MDN1: variants seen among roughly 807,000 people sequenced by gnomAD.
MDN1 encodes midasin.
Under a neutral mutation model 669.2 loss-of-function variants are expected in MDN1, and 266 were observed. The observed-to-expected ratio is 0.40, with a 90% CI of 0.36 to 0.44. MDN1 has a LOEUF of 0.44. MDN1 is among the 20% of genes least tolerant of loss of function. MDN1 has a pLI of 1.00. For missense variants in MDN1, 5,940 were observed against 6,754.0 expected (o/e 0.88, Z 4.22); for synonymous variants, 2,385 against 2,457.1 (o/e 0.97, Z 0.87).
intron 80 of MDN1, 114 bp downstream of exon 80, chr6:89,673,122 G>T: frequency 1.1e-6 from 1 of 904,620 alleles, no homozygotes. Flanking sequence ...TCAGAACCCT[G>T]GACAGGTACA....
At chr6:89,773,076 T>C (rs144032987) in intron 13 of MDN1, among the ~76,000 whole-genome samples, 11 of 152,328 alleles carry the variant, frequency 7.2e-5, no homozygotes, top group African/African-American at 2.4e-4. Flanking sequence ...TGTAATAGGT[T>C]AATAATCTTT....
intron 50 of MDN1, among the ~76,000 whole-genome samples, chr6:89,709,737 A>G (rs1052199119): frequency 2.0e-5 from 3 of 152,220 alleles, no homozygotes; most frequent in African/African-American, 7.2e-5. Flanking sequence ...GAAAATGCCC[A>G]TTTTCTTCAT....
chr6:89,706,295 A>G (rs1006102639), intron 52 of MDN1, 103 bp from the exon 53 acceptor site: 21 of 1,225,566 alleles, frequency 1.7e-5, no homozygotes, highest in Non-Finnish European at 2.3e-5. Flanking sequence ...TGTTATCCCC[A>G]GTACAAAGGT....
chr6:89,648,503 G>T (rs1808630554), intron 97 of MDN1, among the ~76,000 whole-genome samples, 174 bp from the exon 98 acceptor site: 2 of 152,142 alleles, frequency 1.3e-5, no homozygotes, highest in Non-Finnish European at 2.9e-5. Flanking sequence ...TTGGTGGCCT[G>T]GTACCACAAA....
intron 40 of MDN1, 97 bp downstream of exon 40, chr6:89,722,846 CAAAAAAAAAAAA>C: frequency 2.9e-6 from 2 of 690,436 alleles, no homozygotes; most frequent in Non-Finnish European, 4.2e-6. Context: ...AACCCAGTCT[CAAAAAAAAAAAA>C]AAAAAAAAAG....
chr6:89,698,909 G>T lies in MDN1; in HGVS notation c.9124C>A (p.Gln3042Lys). ...WLMWNPLPGM[Q>K]QREAPKSVLD... ...ACAGACTTGGGTGCCTCCCTCTGCTGCATACCAGGCAAAGGGTTCCACATT... is the reference window on the plus strand; with the variant it reads ...ACAGACTTGGGTGCCTCCCTCTGCTTCATACCAGGCAAAGGGTTCCACATT... Residue 3042 changes from glutamine (Q) to lysine (K), a missense_variant, in exon 59 of 102, where the codon CAG becomes AAG. Transcript: ENST00000369393. The T allele has an allele frequency of 6.2e-7, 1 of 1,614,102 alleles. No individual in the cohort carries two copies. The highest frequency in any genetic ancestry group is 8.5e-7 in the Non-Finnish European group (1 of 1,180,004).
At chr6:89,704,656 G>C (rs1369486701) in intron 53 of MDN1, among the ~76,000 whole-genome samples, 1 of 152,088 alleles carries the variant, frequency 6.6e-6, no homozygotes, top group Non-Finnish European at 1.5e-5. Flanking sequence ...GCACGATCTC[G>C]ACTCACTGCA....
rs920738192 is a variant in MDN1 at position 89,749,280 on chromosome 6, C to A, written c.3705G>T (p.Arg1235=). The change falls in exon 26 of 102, where the codon CGG becomes CGT. Residue 1235 remains arginine (R), a synonymous_variant. Transcript: ENST00000369393. Reference sequence around the variant, plus strand: ...TGCAATAGGAGGGTGGCAAACTACACCGCTTGTGCAAGATTGTTTCCAACT... The same window carrying A: ...TGCAATAGGAGGGTGGCAAACTACAACGCTTGTGCAAGATTGTTTCCAACT... ...SSELETILHK[R]CSLPPSYCSK... 2.5e-6 allele frequency: 4 copies of A among 1,613,968 alleles called. No homozygotes were observed. Among genetic ancestry groups the A allele is most frequent in the African/African-American group, 2.7e-5 (2 of 74,904 alleles).
chr6:89,731,071 G>C (rs761956999), intron 34 of MDN1, 148 bp from the exon 35 acceptor site: 4 of 639,898 alleles, frequency 6.3e-6, no homozygotes, highest in Non-Finnish European at 1.1e-5. Context: ...GCAGTCCTAA[G>C]AAAGAAGTCC....
intron 52 of MDN1, 21 bp downstream of exon 52, chr6:89,707,340 A>G (rs1290771224): frequency 1.3e-6 from 2 of 1,513,908 alleles, no homozygotes; most frequent in South Asian, 2.2e-5. Context: ...ATTAGAGAAC[A>G]CAAAAGGTAA....
chr6:89,785,556 T>G (rs112134711), intron 8 of MDN1, among the ~76,000 whole-genome samples: 10 of 152,130 alleles, frequency 6.6e-5, no homozygotes, highest in African/African-American at 2.4e-4. Context: ...GAGAAAAAAG[T>G]AGAGAAGGAA....
At chr6:89,687,509 T>C in intron 67 of MDN1, 71 bp from the exon 68 acceptor site, 1 of 1,381,906 alleles carries the variant, frequency 7.2e-7, no homozygotes, top group Non-Finnish European at 1.0e-6. Flanking sequence ...CTCAAGAACA[T>C]CTTGAACTTT....
chr6:89,767,134 T>C (rs1483616150), intron 15 of MDN1, among the ~76,000 whole-genome samples: 1 of 152,220 alleles, frequency 6.6e-6, no homozygotes, highest in Non-Finnish European at 1.5e-5. Context: ...CTCTACTCTT[T>C]TTCAAGGATT....
At position 89,718,891 on chromosome 6, in the gene MDN1, C is replaced by T. The variant is rs767368545; in HGVS notation, c.6197G>A (p.Gly2066Glu). The change falls in exon 42 of 102, where the codon GGG (glycine) becomes GAG (glutamate). Residue 2066 changes from glycine to glutamate, a missense_variant. Coordinates refer to ENST00000369393, the MANE Select transcript of MDN1 (RefSeq NM_014611.3). ...GCTGGTCTTGCCCACAGAGGCTGGC[C>T]CGACCAGGATGACCATCCAGCTCAT... ...VQMSWMVILV[G>E]PASVGKTSLV... The T allele has an allele frequency of 1.2e-6, 2 of 1,613,940 alleles. No individual in the cohort carries two copies. Among genetic ancestry groups the T allele is most frequent in the Non-Finnish European group, 1.7e-6 (2 of 1,180,012 alleles).
At chr6:89,798,958 G>A (rs1281050527) in intron 2 of MDN1, among the ~76,000 whole-genome samples, 1 of 152,100 alleles carries the variant, frequency 6.6e-6, no homozygotes, top group African/African-American at 2.4e-5. Context: ...AAGGAAAATA[G>A]GTATTATACT....
At chr6:89,699,777 C>A in intron 57 of MDN1, 50 bp from the exon 58 acceptor site, 1 of 1,590,244 alleles carries the variant, frequency 6.3e-7, no homozygotes. Flanking sequence ...TATCAATGAA[C>A]TACTGGAAAG....
At chr6:89,753,650 T>G in intron 21 of MDN1, 28 bp from the exon 22 acceptor site, 2 of 1,494,710 alleles carry the variant, frequency 1.3e-6, no homozygotes, top group Non-Finnish European at 1.9e-6. Context: ...ATATGCATAA[T>G]GCTAAATAAC....
rs746340555 is a variant in MDN1 at position 89,785,007 on chromosome 6, C to T, written c.1449+5G>A. Reference sequence around the variant, plus strand: ...CAGCATTGATACTTTCCAAGACCCACGTACCTCATTCAGTTCTCTCTTATC... The same window carrying T: ...CAGCATTGATACTTTCCAAGACCCATGTACCTCATTCAGTTCTCTCTTATC... On this transcript the variant is annotated splice_donor_5th_base_variant and intron_variant, in intron 9 of 101. Transcript: ENST00000369393. The T allele has an allele frequency of 6.9e-6, 11 of 1,589,728 alleles. No individual in the cohort carries two copies. The highest frequency in any genetic ancestry group is 3.3e-5 in the South Asian group (3 of 90,548).
At position 89,725,333 on chromosome 6, in the gene MDN1, T is replaced by C. The variant is rs766170655; in HGVS notation, c.5536A>G (p.Ile1846Val). ...CTCATTCCTAACTCAGGCACATAGA[T>C]TTCTCCTCGGTGGTCAAAACAAGCA... ...LNACFDHRGE[I>V]YVPELGMSFQ... is the part of the protein sequence containing the mutation. The change falls in exon 38 of 102, where the codon ATC becomes GTC. Residue 1846 changes from isoleucine (I) to valine (V), a missense_variant. Coordinates refer to ENST00000369393, the MANE Select transcript of MDN1 (RefSeq NM_014611.3). 1 of 1,614,034 alleles carries C rather than the reference T, an allele frequency of 6.2e-7. No individual in the cohort carries two copies. The highest frequency in any genetic ancestry group is 8.5e-7 in the Non-Finnish European group (1 of 1,179,968).
Sources: gnomAD v4.1 joint callset for allele counts (sites outside exome capture counted in the v4.1 genomes callset) on GRCh38, gnomAD v4.1.1 for gene constraint, MANE v1.5 for transcripts, NCBI Gene and HGNC (gene_info 2026-07-23, HGNC 2026-07-21) for gene names.